The following IMMP2L variants were observed in gnomAD, a reference collection of about 807,000 sequenced individuals.
IMMP2L encodes mitochondrial inner membrane protease subunit 2.
A neutral mutation model predicts 19.3 loss-of-function variants in IMMP2L; 18 were observed. The observed-to-expected ratio is 0.93, with a 90% CI of 0.64 to 1.38. The LOEUF (loss-of-function observed/expected upper bound fraction) is 1.38, where lower values mean the gene tolerates loss of function less well. Among genes scored for constraint, IMMP2L ranks in the 40% most tolerant of loss-of-function variants. The pLI, the probability that IMMP2L is intolerant of heterozygous loss-of-function variation, is 0.00. For missense variants in IMMP2L, 233 were observed against 218.2 expected, an observed-to-expected ratio of 1.07 and a Z score of -0.43; for synonymous variants, 76 against 73.0, an observed-to-expected ratio of 1.04 and a Z score of -0.21.
intron 5 of IMMP2L, among the ~76,000 whole-genome samples, chr7:110,831,090 G>A (rs1232199997): frequency 6.6e-6 from 1 of 152,142 alleles, no homozygotes; most frequent in Non-Finnish European, 1.5e-5. Flanking sequence ...CGTAGCTGAA[G>A]GAGTGAGGTC....
intron 3 of IMMP2L, among the ~76,000 whole-genome samples, chr7:111,284,872 G>A (rs912499549): frequency 2.0e-5 from 3 of 152,164 alleles, no homozygotes; most frequent in East Asian, 1.9e-4. Context: ...ACTCTACCAG[G>A]CATTGGAGAA....
At chr7:111,402,543 T>G (rs1833517837) in intron 3 of IMMP2L, among the ~76,000 whole-genome samples, 1 of 151,940 alleles carries the variant, frequency 6.6e-6, no homozygotes, top group Admixed American at 6.6e-5. Flanking sequence ...AAACCCCGTC[T>G]CTAATAAAAA....
chr7:111,360,076 A>T (rs961657330), intron 3 of IMMP2L, among the ~76,000 whole-genome samples: 1 of 152,094 alleles, frequency 6.6e-6, no homozygotes, highest in African/African-American at 2.4e-5. Flanking sequence ...TCCACTCCAT[A>T]AATTTTAAAA....
At chr7:111,546,349 T>G (rs1021893269) in intron 1 of IMMP2L, among the ~76,000 whole-genome samples, 1 of 152,020 alleles carries the variant, frequency 6.6e-6, no homozygotes, top group Non-Finnish European at 1.5e-5. Flanking sequence ...TTTTCAAAAT[T>G]TGTTTCTTTG....
At chr7:111,545,372 C>A (rs1319615331) in intron 1 of IMMP2L, among the ~76,000 whole-genome samples, 3 of 151,996 alleles carry the variant, frequency 2.0e-5, no homozygotes, top group Non-Finnish European at 4.4e-5. Context: ...ATGTTTTAAT[C>A]TTGTTGTTTT....
chr7:110,666,455 T>C (rs1204727853), intron 5 of IMMP2L, among the ~76,000 whole-genome samples: 1 of 151,990 alleles, frequency 6.6e-6, no homozygotes, highest in Non-Finnish European at 1.5e-5. Flanking sequence ...TTTGTATTTT[T>C]AGTAGAGATG....
At chr7:110,893,828 G>A (rs911461845) in intron 4 of IMMP2L, among the ~76,000 whole-genome samples, 1 of 151,908 alleles carries the variant, frequency 6.6e-6, no homozygotes, top group Non-Finnish European at 1.5e-5. Flanking sequence ...TAAAACTGTG[G>A]CCAAATACCC....
intron 5 of IMMP2L, among the ~76,000 whole-genome samples, chr7:110,881,831 C>T (rs1480156767): frequency 2.0e-5 from 3 of 152,166 alleles, no homozygotes; most frequent in African/African-American, 7.2e-5. Flanking sequence ...ACTTCATTCA[C>T]AAAACATACA....
At chr7:111,435,323 T>C (rs1275504498) in intron 3 of IMMP2L, among the ~76,000 whole-genome samples, 4 of 151,878 alleles carry the variant, frequency 2.6e-5, no homozygotes, top group Admixed American at 6.6e-5. Context: ...AAATGTGGTA[T>C]ATATACAACT....
rs528181269 is a variant in IMMP2L, at chr7:111,420,313, A to G, written c.239+66925T>C. Among the ~76,000 whole-genome samples the G allele has an allele frequency of 1.2e-3, 187 of 151,968 alleles. 1 individual carries two copies. The highest frequency in any genetic ancestry group is 2.4e-3 in the Non-Finnish European group (162 of 68,002). On this transcript the variant is annotated intron_variant, in intron 3 of 5. Coordinates refer to ENST00000405709, the MANE Select transcript of IMMP2L (RefSeq NM_032549.4). ...GAGCACTTTACTACCACACAAATTG[A>G]GAGATCACAAAAGAAATTCCGAACT...
At chr7:111,178,647 C>A (rs1807351570) in intron 3 of IMMP2L, among the ~76,000 whole-genome samples, 1 of 152,100 alleles carries the variant, frequency 6.6e-6, no homozygotes, top group Non-Finnish European at 1.5e-5. Flanking sequence ...GCAGTGTTCA[C>A]AGCAACTTCA....
intron 3 of IMMP2L, among the ~76,000 whole-genome samples, chr7:111,382,368 A>G (rs1831282182): frequency 6.6e-6 from 1 of 151,248 alleles, no homozygotes; most frequent in Non-Finnish European, 1.5e-5. Context: ...AAAAATCAAA[A>G]AGTATTTGGC....
At position 111,029,469 on chromosome 7, in the gene IMMP2L, T is replaced by C. The variant is rs117455902; in HGVS notation, c.240-65904A>G. Among the ~76,000 whole-genome samples the C allele has an allele frequency of 5.9e-3, 904 of 152,314 alleles. 9 individuals are homozygous for C. The highest frequency in any genetic ancestry group is 0.017 in the Middle Eastern group (5 of 294). Reference sequence around the variant, plus strand: ...AACTATTAGTAAGCCACTGAAGAGATACAGGTAGCTATTTCTTTGCATCAG... The same window carrying C: ...AACTATTAGTAAGCCACTGAAGAGACACAGGTAGCTATTTCTTTGCATCAG... On this transcript the variant is annotated intron_variant, in intron 3 of 5. Transcript: ENST00000405709.
chr7:111,502,815 A>C (rs2132462281), intron 2 of IMMP2L, among the ~76,000 whole-genome samples: 1 of 151,592 alleles, frequency 6.6e-6, no homozygotes, highest in African/African-American at 2.4e-5. Flanking sequence ...GGACACATTC[A>C]AAGCAGTGTG....
intron 5 of IMMP2L, among the ~76,000 whole-genome samples, chr7:110,886,247 G>A (rs1810206875): frequency 6.6e-6 from 1 of 151,954 alleles, no homozygotes; most frequent in Admixed American, 6.6e-5. Flanking sequence ...TGTACACATT[G>A]TCTGCTAAAC....
At chr7:111,471,094 A>AT (rs1372426552) in intron 3 of IMMP2L, among the ~76,000 whole-genome samples, 1 of 151,928 alleles carries the variant, frequency 6.6e-6, no homozygotes, top group African/African-American at 2.4e-5. Flanking sequence ...AGATTTGAGA[A>AT]TTTTTCCAAA....
chr7:110,986,746 A>G (rs1051873232), intron 3 of IMMP2L, among the ~76,000 whole-genome samples: 1 of 152,090 alleles, frequency 6.6e-6, no homozygotes, highest in African/African-American at 2.4e-5. Flanking sequence ...CTTATTTGTA[A>G]AACAAGATCT....
At chr7:110,878,297 C>T (rs1231289823) in intron 5 of IMMP2L, among the ~76,000 whole-genome samples, 1 of 152,110 alleles carries the variant, frequency 6.6e-6, no homozygotes, top group East Asian at 1.9e-4. Flanking sequence ...TTTACATTGA[C>T]AAGCACGTAG....
At chr7:110,974,204 C>T (rs1273212809) in intron 3 of IMMP2L, among the ~76,000 whole-genome samples, 3 of 152,072 alleles carry the variant, frequency 2.0e-5, no homozygotes, top group East Asian at 1.9e-4. Context: ...ATATGCTCAC[C>T]ACCCACCATT....
Sources: allele counts gnomAD v4.1 joint callset (sites outside exome capture counted in the v4.1 genomes callset), GRCh38; gene constraint gnomAD v4.1.1; transcripts MANE v1.5; gene names NCBI Gene and HGNC (gene_info 2026-07-23, HGNC 2026-07-21).